PITPNM2: variants seen among roughly 807,000 people sequenced by gnomAD.
PITPNM2 encodes the protein phosphatidylinositol transfer protein membrane associated 2, also known as membrane-associated phosphatidylinositol transfer protein 2.
Under a neutral mutation model 132.2 loss-of-function variants are expected in PITPNM2, and 35 were observed. The ratio of observed to expected loss-of-function variants is 0.26; its 90% confidence interval spans 0.20 to 0.35. PITPNM2 has a LOEUF of 0.35. Among genes scored for constraint, PITPNM2 ranks in the 10% least tolerant of loss-of-function variants. PITPNM2 has a pLI of 1.00. For missense variants in PITPNM2, 1,332 were observed against 1,912.0 expected (o/e 0.70, Z 5.66); for synonymous variants, 738 against 799.2 (o/e 0.92, Z 1.29).
Position 123,099,455 on chromosome 12 carries a change from G to C in PITPNM2, c.-96+10930C>G, listed in dbSNP as rs753289177. Among the ~76,000 whole-genome samples, 1 of 152,144 alleles carries C rather than the reference G, an allele frequency of 6.6e-6. No homozygotes were observed. Among genetic ancestry groups the C allele is most frequent in the Non-Finnish European group, 1.5e-5 (1 of 68,024 alleles). On this transcript the variant is annotated intron_variant, in intron 2 of 25. Coordinates refer to ENST00000320201, the MANE Select transcript of PITPNM2 (RefSeq NM_020845.3). This position sits in a 1 kb window ranked among gnomAD's most constrained non-coding sequence, Gnocchi z 4.2. ...ACAGAGAGGGAGGAGGCCCACCTTTGTGCCTGTGGGCTGACGAAGCCCTGG... is the reference window on the plus strand; with the variant it reads ...ACAGAGAGGGAGGAGGCCCACCTTTCTGCCTGTGGGCTGACGAAGCCCTGG...
chr12:123,054,834 C>T (rs915917194), intron 2 of PITPNM2, among the ~76,000 whole-genome samples: 1 of 152,164 alleles, frequency 6.6e-6, no homozygotes, highest in Non-Finnish European at 1.5e-5. Flanking sequence ...GAGGCCAAGG[C>T]GACAGGATCA....
chr12:123,008,766 T>A lies in PITPNM2; in HGVS notation c.643+1084A>T, dbSNP rs1368391220. ...GTGTCTGAGTGTTCTGCCCTGGGGA[T>A]GGAGGTGGTGACACCAACACACCCA... On this transcript the variant is annotated intron_variant, in intron 6 of 25. Coordinates refer to ENST00000320201, the MANE Select transcript of PITPNM2 (RefSeq NM_020845.3). The surrounding 1 kb of genome is among the most constrained non-coding windows in gnomAD (Gnocchi z 4.1). 6.6e-6 allele frequency among the ~76,000 whole-genome samples: 1 copy of A among 152,188 alleles called. No homozygotes were observed. The highest frequency in any genetic ancestry group is 2.4e-5 in the African/African-American group (1 of 41,446).
rs528813519 is a variant in PITPNM2, at chr12:123,046,672, CT to C, written c.-95-11988del. 1.1e-4 allele frequency among the ~76,000 whole-genome samples: 16 copies of C among 152,336 alleles called. No individual in the cohort carries two copies. In the South Asian group the frequency reaches 3.1e-3, roughly 30 times the overall value. ...TGGATTTGCCTATTCTGGACATTTC[CT>C]ATTGGTGGAGTCATACAATATGTGC... is the stretch of plus-strand genomic sequence containing the variant. On this transcript the variant is annotated intron_variant, in intron 2 of 25. Transcript: ENST00000320201.
rs1275095650 is a variant in PITPNM2 at position 123,005,483 on chromosome 12, G to A, written c.709C>T (p.Leu237=). The change falls in exon 7 of 26, where the codon CTG becomes TTG. Residue 237 remains leucine, a synonymous_variant. Transcript: ENST00000320201. This position sits in a 1 kb window ranked among gnomAD's most constrained non-coding sequence, Gnocchi z 6.2. ...AGCTCCCGGATGTTCTCCATGCTCA[G>A]CCCATACCACTCGTCCTGCCAGCAC... The part of the protein sequence containing the change: ...AWCWQDEWYG[L]SMENIRELEK... 1.2e-6 allele frequency: 2 copies of A among 1,613,872 alleles called. No homozygotes were observed. Among genetic ancestry groups the A allele is most frequent in the Non-Finnish European group, 1.7e-6 (2 of 1,180,018 alleles).
chr12:123,137,839 G>A (rs1404589696), intron 1 of PITPNM2, among the ~76,000 whole-genome samples: 1 of 149,498 alleles, frequency 6.7e-6, no homozygotes, highest in Non-Finnish European at 1.5e-5. Flanking sequence ...GCTGCAGTGA[G>A]CCAAGATCAC....
rs562964038 is a variant in PITPNM2 at position 123,107,806 on chromosome 12, G to A, written c.-96+2579C>T. Among the ~76,000 whole-genome samples the A allele has an allele frequency of 8.5e-4, 129 of 152,332 alleles. 1 individual carries two copies. Among genetic ancestry groups the A allele is most frequent in the African/African-American group, 3.0e-3 (125 of 41,562 alleles). ...CCAGCTCTCTAGTCCAGGATCTGGG[G>A]GGAAAGGATGGCACCCAAAGGCAAG... On this transcript the variant is annotated intron_variant, in intron 2 of 25. Coordinates refer to ENST00000320201, the MANE Select transcript of PITPNM2 (RefSeq NM_020845.3).
At chr12:123,047,604 T>C (rs1422420459) in intron 2 of PITPNM2, among the ~76,000 whole-genome samples, 1 of 152,222 alleles carries the variant, frequency 6.6e-6, no homozygotes, top group Non-Finnish European at 1.5e-5. Context: ...CTAGTCACTC[T>C]GAACTCCATG....
At chr12:123,142,824 A>G (rs889007696) in intron 1 of PITPNM2, among the ~76,000 whole-genome samples, 3 of 151,790 alleles carry the variant, frequency 2.0e-5, no homozygotes, top group African/African-American at 7.3e-5. Context: ...TTCCAGTGTG[A>G]TTACCCACAT....
intron 8 of PITPNM2, among the ~76,000 whole-genome samples, chr12:123,003,792 C>T (rs1407354961): frequency 3.9e-5 from 6 of 152,250 alleles, no homozygotes; most frequent in Non-Finnish European, 8.8e-5. Context: ...CCAACCCCTA[C>T]ACCTGCTGGC....
intron 3 of PITPNM2, among the ~76,000 whole-genome samples, chr12:123,030,800 A>G (rs979990137): frequency 1.3e-5 from 2 of 152,356 alleles, no homozygotes; most frequent in African/African-American, 2.4e-5. Flanking sequence ...GTGGAATATG[A>G]TTCAGCCATA....
chr12:123,017,526 C>A (rs1185452419), intron 3 of PITPNM2, among the ~76,000 whole-genome samples: 1 of 152,224 alleles, frequency 6.6e-6, no homozygotes, highest in African/African-American at 2.4e-5. Flanking sequence ...TCCAGCCCTA[C>A]CAGCTGCTGC....
Position 123,013,989 on chromosome 12 carries a change from C to T in PITPNM2, c.132G>A (p.Glu44=). The T allele has an allele frequency of 6.2e-7, 1 of 1,614,280 alleles. No homozygotes were observed. The highest frequency in any genetic ancestry group is 8.5e-7 in the Non-Finnish European group (1 of 1,180,048). ...CTGGGCCATCTGTGTACGGCCGGTTCTCCAGGATCTCCACGCCGCTGCCTT... is the reference window on the plus strand; with the variant it reads ...CTGGGCCATCTGTGTACGGCCGGTTTTCCAGGATCTCCACGCCGCTGCCTT... ...YGEGSGVEIL[E]NRPYTDGPGG... is the part of the protein sequence containing the mutation. Residue 44 remains glutamate, a synonymous_variant, in exon 4 of 26, where the codon GAG becomes GAA. Transcript: ENST00000320201.
At chr12:123,006,722 A>ATAG (rs761911960) in intron 6 of PITPNM2, among the ~76,000 whole-genome samples, 2 of 1,984 alleles carry the variant, frequency 1.0e-3, no homozygotes, top group African/African-American at 1.6e-3. Context: ...CAAAATAGTA[A>ATAG]TAATAATAAT....
intron 2 of PITPNM2, among the ~76,000 whole-genome samples, chr12:123,048,708 G>C (rs888239208): frequency 1.3e-5 from 2 of 152,208 alleles, no homozygotes; most frequent in African/African-American, 4.8e-5. Flanking sequence ...CACCGCGCCC[G>C]GCTGGGTAGT....
intron 1 of PITPNM2, among the ~76,000 whole-genome samples, chr12:123,115,828 G>C (rs1209267867): frequency 1.3e-5 from 2 of 152,200 alleles, no homozygotes; most frequent in African/African-American, 2.4e-5. Flanking sequence ...TTATGTAATA[G>C]GAGGCACCAC....
intron 1 of PITPNM2, among the ~76,000 whole-genome samples, chr12:123,129,982 G>A (rs1191444006): frequency 6.6e-6 from 1 of 151,300 alleles, no homozygotes; most frequent in Non-Finnish European, 1.5e-5. Flanking sequence ...ATAGCTCACT[G>A]CAGCCACAAA....
intron 16 of PITPNM2, 139 bp from the exon 17 acceptor site, chr12:122,990,848 G>A: frequency 1.1e-6 from 1 of 940,996 alleles, no homozygotes; most frequent in South Asian, 1.7e-5. Context: ...CACCTGCTCA[G>A]GGCCGTGAGA....
intron 1 of PITPNM2, among the ~76,000 whole-genome samples, chr12:123,122,863 T>G (rs1187800995): frequency 6.6e-6 from 1 of 152,216 alleles, no homozygotes; most frequent in Non-Finnish European, 1.5e-5. Context: ...TTATTTTACT[T>G]AAAAGCTCTT....
At chr12:122,991,001 G>C (rs566495412) in intron 16 of PITPNM2, among the ~76,000 whole-genome samples, 153 of 152,302 alleles carry the variant, frequency 1.0e-3, no homozygotes, top group African/African-American at 3.5e-3. Context: ...CCCTCAGCTT[G>C]TCTCCAGCAC....
Sources: gnomAD v4.1 joint callset for allele counts (sites outside exome capture counted in the v4.1 genomes callset) on GRCh38, gnomAD v4.1.1 for gene constraint, Gnocchi (gnomAD v3.1) non-coding constraint, MANE v1.5 for transcripts, NCBI Gene and HGNC (gene_info 2026-07-23, HGNC 2026-07-21) for gene names.